FRMPD4: variants seen among roughly 807,000 people sequenced by gnomAD.
FRMPD4 encodes FERM and PDZ domain-containing protein 4.
Under a neutral mutation model 94.1 loss-of-function variants are expected in FRMPD4, and 22 were observed. The observed-to-expected ratio is 0.23, with a 90% confidence interval of 0.17 to 0.33. The LOEUF (loss-of-function observed/expected upper bound fraction) is 0.33. Among genes scored for constraint, FRMPD4 ranks in the 10% least tolerant of loss-of-function variants. FRMPD4 has a pLI of 1.00. For missense variants in FRMPD4, 1,111 were observed against 1,339.9 expected (o/e 0.83, Z 2.67); for synonymous variants, 631 against 548.6 (o/e 1.15, Z -2.10).
At chrX:12,045,700 ATC>A (rs2054781670) in intron 3 of FRMPD4, among the ~76,000 whole-genome samples, 1 of 111,313 alleles carries the variant, frequency 9.0e-6, no homozygotes, top group Admixed American at 9.6e-5. Context: ...TTCTCCAAGG[ATC>A]CTTAGCAAGA....
At position 12,416,227 on chromosome X, in the gene FRMPD4, TTTC is replaced by T. The variant is rs766281074; in HGVS notation, c.42-82450_42-82448del. Among the ~76,000 whole-genome samples the T allele has an allele frequency of 1.2e-3, 133 of 110,986 alleles. 2 individuals are homozygous for T. Among genetic ancestry groups the T allele is most frequent in the Non-Finnish European group, 1.9e-3 (98 of 52,825 alleles). ...TCCCTTTCTCCTTCCTTCTTTTTTC[TTTC>T]TTTCTTTTTTTGGATATAAATAGTG... is the stretch of plus-strand genomic sequence containing the variant. On this transcript the variant is annotated intron_variant, in intron 1 of 16. Coordinates refer to ENST00000675598, the MANE Select transcript of FRMPD4 (RefSeq NM_001368397.1).
In FRMPD4 at chrX:12,722,748, G is replaced by A. The variant is rs998683872; in HGVS notation, c.*890G>A. 1.8e-5 allele frequency: 2 copies of A among 111,945 alleles called. No homozygotes were observed. The highest frequency in any genetic ancestry group is 1.9e-4 in the Admixed American group (2 of 10,556). The allele number at this position is 111,945 out of a possible 1,213,427, so 9.2% of individuals were successfully genotyped here. A position where few individuals can be genotyped will look rare whatever the true frequency, so the allele number is the denominator to read the frequency against. On this transcript the variant is annotated 3_prime_UTR_variant, in exon 17 of 17. Coordinates refer to ENST00000675598, the MANE Select transcript of FRMPD4 (RefSeq NM_001368397.1). ...CTTCCCCTCATCCCAACTCAACTAC[G>A]AAACTTAAAATTCCCTTTAGAGTGA...
At chrX:12,547,330 G>C (rs1250238664) in intron 2 of FRMPD4, among the ~76,000 whole-genome samples, 1 of 111,442 alleles carries the variant, frequency 9.0e-6, no homozygotes, top group Non-Finnish European at 1.9e-5. Flanking sequence ...CCATGCTTTG[G>C]TCACTATAGT....
At chrX:12,498,392 A>C (rs2057875524) in intron 1 of FRMPD4, among the ~76,000 whole-genome samples, 1 of 111,232 alleles carries the variant, frequency 9.0e-6, no homozygotes, top group Non-Finnish European at 1.9e-5. Context: ...CTGTGACTAC[A>C]AGGCTGCCCA....
chrX:12,421,928 T>A (rs758637097), intron 1 of FRMPD4, among the ~76,000 whole-genome samples: 23 of 111,157 alleles, frequency 2.1e-4, no homozygotes, highest in Admixed American at 4.8e-4. Flanking sequence ...ATTATGTTCT[T>A]CCCTCTTGCC....
intron 3 of FRMPD4, among the ~76,000 whole-genome samples, chrX:12,093,729 T>G (rs2055174508): frequency 9.1e-6 from 1 of 110,313 alleles, no homozygotes; most frequent in South Asian, 3.9e-4. Flanking sequence ...AGAGGAGAGA[T>G]ATCCAACTCA....
chrX:12,288,303 C>T (rs761638676), intron 1 of FRMPD4, among the ~76,000 whole-genome samples: 6 of 111,820 alleles, frequency 5.4e-5, no homozygotes, highest in African/African-American at 1.3e-4. Flanking sequence ...TACTGTTAAA[C>T]GATTCTATAA....
At chrX:12,288,145 C>T (rs1224227518) in intron 1 of FRMPD4, among the ~76,000 whole-genome samples, 1 of 112,020 alleles carries the variant, frequency 8.9e-6, no homozygotes, top group African/African-American at 3.2e-5. Flanking sequence ...CATGAAGTCA[C>T]ATATTCATGG....
intron 3 of FRMPD4, among the ~76,000 whole-genome samples, chrX:12,119,047 A>T (rs1364536548): frequency 1.8e-5 from 2 of 110,353 alleles, no homozygotes; most frequent in Non-Finnish European, 3.8e-5. Flanking sequence ...CAACTGAGAG[A>T]ATTTGGCTAA....
intron 1 of FRMPD4, among the ~76,000 whole-genome samples, chrX:12,370,433 G>A (rs1019122998): frequency 3.6e-5 from 4 of 112,552 alleles, no homozygotes; most frequent in Non-Finnish European, 7.5e-5. Context: ...GGAGGCTCAC[G>A]TCATTACTGT....
intron 1 of FRMPD4, among the ~76,000 whole-genome samples, chrX:12,295,219 A>G (rs1054922895): frequency 2.7e-5 from 3 of 112,532 alleles, no homozygotes; most frequent in South Asian, 3.7e-4. Context: ...CAGAGAATCT[A>G]TAGGAGAAAC....
intron 1 of FRMPD4, among the ~76,000 whole-genome samples, chrX:12,486,488 C>T (rs749595505): frequency 2.9e-4 from 33 of 112,544 alleles, no homozygotes; most frequent in Non-Finnish European, 5.3e-4. Flanking sequence ...TTCCTGGAAA[C>T]ATTCACAGTT....
chrX:12,020,060 G>A (rs1015372740), intron 3 of FRMPD4, among the ~76,000 whole-genome samples: 2 of 111,703 alleles, frequency 1.8e-5, no homozygotes, highest in Non-Finnish European at 3.8e-5. Flanking sequence ...TTGAACACGT[G>A]ACATCTAGCT....
At chrX:12,275,051 T>C (rs899926890) in intron 1 of FRMPD4, among the ~76,000 whole-genome samples, 1 of 111,867 alleles carries the variant, frequency 8.9e-6, no homozygotes, top group African/African-American at 3.2e-5. Flanking sequence ...TAGCCCCAGA[T>C]AGAATGTGAT....
In FRMPD4 at chrX:11,869,889, G is replaced by T. The variant is rs1218114582; in HGVS notation, c.-30+4673G>T. Reference sequence around the variant, plus strand: ...AGATCATTTGATCTGCAAAAATTTTGTTCAGGTCACAAAATTTCCATTGGA... The same window carrying T: ...AGATCATTTGATCTGCAAAAATTTTTTTCAGGTCACAAAATTTCCATTGGA... On this transcript the variant is annotated intron_variant, in intron 2 of 18. Coordinates refer to the FRMPD4 transcript ENST00000640291. 2.7e-5 allele frequency among the ~76,000 whole-genome samples: 3 copies of T among 111,261 alleles called. No homozygotes were observed. In the Admixed American group the frequency reaches 2.9e-4, roughly 11 times the overall value.
chrX:11,948,498 G>A (rs1340080626), intron 3 of FRMPD4, among the ~76,000 whole-genome samples: 2 of 111,695 alleles, frequency 1.8e-5, no homozygotes, highest in Non-Finnish European at 3.8e-5. Flanking sequence ...TTGCTTGTAA[G>A]TCACCTAGTC....
intron 3 of FRMPD4, among the ~76,000 whole-genome samples, chrX:12,094,534 T>A (rs1160246090): frequency 8.9e-6 from 1 of 112,223 alleles, no homozygotes; most frequent in Admixed American, 9.4e-5. Flanking sequence ...CTGCCAACTT[T>A]TTACCTTCAA....
At chrX:11,891,102 A>G (rs2053871139) in intron 3 of FRMPD4, among the ~76,000 whole-genome samples, 1 of 112,553 alleles carries the variant, frequency 8.9e-6, no homozygotes, top group East Asian at 2.8e-4. Context: ...CCTCTTTTAG[A>G]CACGTCTTCC....
chrX:12,522,919 A>C (rs981982495), intron 2 of FRMPD4, among the ~76,000 whole-genome samples: 5 of 111,783 alleles, frequency 4.5e-5, no homozygotes, highest in Non-Finnish European at 9.4e-5. Context: ...TGATTGTCTA[A>C]TGCCTATTTT....
Sources: allele counts gnomAD v4.1 joint callset (sites outside exome capture counted in the v4.1 genomes callset), GRCh38; gene constraint gnomAD v4.1.1; transcripts MANE v1.5; gene names NCBI Gene and HGNC (gene_info 2026-07-23, HGNC 2026-07-21).